The following RPTOR variants were observed in gnomAD, a reference collection of about 807,000 sequenced individuals.
The protein encoded by RPTOR is regulatory associated protein of MTOR complex 1, also known as regulatory-associated protein of mTOR.
Under a neutral mutation model 169.9 loss-of-function variants are expected in RPTOR, and 21 were observed. The ratio of observed to expected loss-of-function variants is 0.12; its 90% CI spans 0.09 to 0.18. RPTOR has a LOEUF of 0.18. RPTOR is among the 10% of genes least tolerant of loss of function. The pLI is 1.00. For synonymous variants in RPTOR, 732 were observed against 753.2 expected, an observed-to-expected ratio of 0.97 and a Z score of 0.46; for missense variants, 1,133 against 1,855.9, an observed-to-expected ratio of 0.61 and a Z score of 7.16.
chr17:80,723,474 C>T (rs1356946990), intron 4 of RPTOR, among the ~76,000 whole-genome samples: 1 of 151,268 alleles, frequency 6.6e-6, no homozygotes, highest in Non-Finnish European at 1.5e-5. Flanking sequence ...TATTTTACTT[C>T]TTGGGTTATA....
At chr17:80,599,921 C>T (rs568634594) in intron 1 of RPTOR, among the ~76,000 whole-genome samples, 28 of 152,172 alleles carry the variant, frequency 1.8e-4, no homozygotes, top group Admixed American at 6.5e-4. Context: ...AAAGTGCCAC[C>T]TGGCTTCTCC....
chr17:80,564,472 A>AT (rs1347461390), intron 1 of RPTOR, among the ~76,000 whole-genome samples: 1 of 151,668 alleles, frequency 6.6e-6, no homozygotes, highest in Non-Finnish European at 1.5e-5. Flanking sequence ...ATTTTATTTT[A>AT]TTTTTTCATA....
At chr17:80,864,146 C>A (rs1474059119) in intron 13 of RPTOR, among the ~76,000 whole-genome samples, 1 of 152,164 alleles carries the variant, frequency 6.6e-6, no homozygotes, top group Admixed American at 6.5e-5. Flanking sequence ...ATCCACAAAG[C>A]TTAGCAAACC....
intron 21 of RPTOR, among the ~76,000 whole-genome samples, chr17:80,919,852 G>A (rs1399252087): frequency 2.6e-5 from 4 of 152,336 alleles, no homozygotes; most frequent in Non-Finnish European, 4.4e-5. Flanking sequence ...CTCTCTGGAC[G>A]CAGACCTCCC....
chr17:80,684,404 G>GTTTA lies in RPTOR; in HGVS notation c.349-23392_349-23389dup, dbSNP rs55921146. ...TTTTTTTTTAAATAAGGAGATACAT[G>GTTTA]TTTATTTATTTATTTATTTATTTAT... On this transcript the variant is annotated intron_variant, in intron 3 of 33. Transcript: ENST00000306801. 6.3e-3 allele frequency among the ~76,000 whole-genome samples: 865 copies of GTTTA among 136,836 alleles called. 4 individuals carry two copies. Among genetic ancestry groups the GTTTA allele is most frequent in the South Asian group, 7.9e-3 (33 of 4,170 alleles). The allele number at this position is 136,836 out of a possible 152,430, so 89.8% of individuals were successfully genotyped here. A position where few individuals can be genotyped will look rare whatever the true frequency, so the allele number is the denominator to read the frequency against.
At chr17:80,888,043 C>G (rs1267301438) in intron 17 of RPTOR, among the ~76,000 whole-genome samples, 8 of 152,196 alleles carry the variant, frequency 5.3e-5, no homozygotes, top group East Asian at 3.8e-4. Flanking sequence ...CTCAGCGGGG[C>G]TTGGATGGGG....
At chr17:80,556,019 G>GTTTTT (rs143244019) in intron 1 of RPTOR, among the ~76,000 whole-genome samples, 1 of 146,394 alleles carries the variant, frequency 6.8e-6, no homozygotes, top group African/African-American at 2.5e-5. Context: ...GATCTAAAAA[G>GTTTTT]TTTTTTGTTT....
intron 20 of RPTOR, among the ~76,000 whole-genome samples, chr17:80,904,141 A>G (rs1015909010): frequency 6.6e-6 from 1 of 152,142 alleles, no homozygotes; most frequent in African/African-American, 2.4e-5. Flanking sequence ...CGGCCGGCCC[A>G]GGAGGAGGGA....
At chr17:80,774,493 T>C (rs2066874390) in intron 6 of RPTOR, among the ~76,000 whole-genome samples, 1 of 152,188 alleles carries the variant, frequency 6.6e-6, no homozygotes, top group African/African-American at 2.4e-5. Context: ...CGTGCGGCCG[T>C]CTGGGGTGGA....
intron 1 of RPTOR, among the ~76,000 whole-genome samples, chr17:80,553,111 T>C (rs1485930951): frequency 6.6e-6 from 1 of 152,242 alleles, no homozygotes; most frequent in Non-Finnish European, 1.5e-5. Flanking sequence ...CAAGCTGTAC[T>C]ACTAGTTCCT....
chr17:80,886,146 CT>C (rs1173847717), intron 17 of RPTOR, among the ~76,000 whole-genome samples: 1 of 152,226 alleles, frequency 6.6e-6, no homozygotes, highest in African/African-American at 2.4e-5. Context: ...TGGAGATGGG[CT>C]TTATCATGAG....
chr17:80,791,670 G>T (rs2067050148), intron 7 of RPTOR, among the ~76,000 whole-genome samples, 161 bp downstream of exon 7: 1 of 152,140 alleles, frequency 6.6e-6, no homozygotes, highest in Admixed American at 6.5e-5. Flanking sequence ...GTTTGTGATT[G>T]TCACACTGGG....
rs2068229463 is a variant in RPTOR, at chr17:80,885,079, C to G, written c.1914C>G (p.Thr638=). 1 of 1,600,922 alleles carries G rather than the reference C, an allele frequency of 6.2e-7. No homozygotes were observed. Among genetic ancestry groups the G allele is most frequent in the South Asian group, 1.1e-5 (1 of 88,406 alleles). ...GNSAERTDHS[T]TIDHNVAMML... is the part of the protein sequence containing the mutation. ...CTGCAGAGAGGACGGACCACTCCAC[C>G]ACCATCGACCACAACGTGGCCATGA... Residue 638 remains threonine (T), a synonymous_variant, in exon 17 of 34, where the codon ACC becomes ACG. Transcript: ENST00000306801.
intron 6 of RPTOR, among the ~76,000 whole-genome samples, chr17:80,755,095 G>T (rs576313292): frequency 4.0e-5 from 6 of 151,704 alleles, no homozygotes; most frequent in South Asian, 2.1e-4. Flanking sequence ...GCAGCCTGAG[G>T]GGGGAGGAAA....
chr17:80,644,660 A>G (rs1201065080), intron 3 of RPTOR, among the ~76,000 whole-genome samples: 1 of 152,164 alleles, frequency 6.6e-6, no homozygotes, highest in African/African-American at 2.4e-5. Flanking sequence ...GATTTATGGA[A>G]CCTTTTGAAC....
chr17:80,599,076 A>G (rs1567813420), intron 1 of RPTOR, among the ~76,000 whole-genome samples: 1 of 152,044 alleles, frequency 6.6e-6, no homozygotes. Context: ...GCCACAGGCA[A>G]GCTCTTCTTA....
chr17:80,907,467 C>T (rs565721551), intron 20 of RPTOR, among the ~76,000 whole-genome samples: 3 of 152,382 alleles, frequency 2.0e-5, no homozygotes, highest in Middle Eastern at 3.4e-3. Flanking sequence ...CTCTGGTCCT[C>T]GGCCCAGCCC....
At chr17:80,838,098 TC>T (rs1294136518) in intron 10 of RPTOR, 101 bp downstream of exon 10, 1 of 932,720 alleles carries the variant, frequency 1.1e-6, no homozygotes, top group Non-Finnish European at 1.6e-6. Context: ...CCCAGGACTC[TC>T]GGGTGTCAGA....
intron 7 of RPTOR, among the ~76,000 whole-genome samples, chr17:80,791,723 A>G (rs2067050700): frequency 6.6e-6 from 1 of 152,222 alleles, no homozygotes; most frequent in South Asian, 2.1e-4. Flanking sequence ...TATGAAAAGA[A>G]AAATAATAAA....
Sources: allele counts gnomAD v4.1 joint callset (sites outside exome capture counted in the v4.1 genomes callset), GRCh38; gene constraint gnomAD v4.1.1; transcripts MANE v1.5; gene names NCBI Gene and HGNC (gene_info 2026-07-23, HGNC 2026-07-21).